SBF2: variants seen among roughly 807,000 people sequenced by gnomAD.
The protein encoded by SBF2 is myotubularin-related protein 13.
SBF2 carries 112 observed loss-of-function variants against 225.2 expected under a neutral mutation model. The ratio of observed to expected loss-of-function variants is 0.50; its 90% confidence interval spans 0.43 to 0.58. SBF2 has a LOEUF of 0.58. SBF2 is among the 20% of genes least tolerant of loss of function. The pLI is 0.00. For synonymous variants in SBF2, 763 were observed against 773.3 expected (o/e 0.99, Z 0.22); for missense variants, 1,996 against 2,206.2 (o/e 0.90, Z 1.91).
At chr11:10,067,539 AAAAAACAAAAAC>A (rs763911240) in intron 2 of SBF2, among the ~76,000 whole-genome samples, 15 of 152,164 alleles carry the variant, frequency 9.9e-5, no homozygotes, top group Non-Finnish European at 1.6e-4. Context: ...ACATTAACCA[AAAAAACAAAAAC>A]AAAAACAAAA....
chr11:10,043,895 A>G (rs1949754004), intron 2 of SBF2, among the ~76,000 whole-genome samples: 1 of 152,208 alleles, frequency 6.6e-6, no homozygotes, highest in Non-Finnish European at 1.5e-5. Flanking sequence ...TTTAAATAAC[A>G]TGAGTCAAAG....
chr11:10,251,078 G>A, intron 1 of SBF2, among the ~76,000 whole-genome samples: 1 of 152,076 alleles, frequency 6.6e-6, no homozygotes, highest in Non-Finnish European at 1.5e-5. Context: ...GCACTTATAG[G>A]GTATACTTTT....
chr11:10,275,339 G>A (rs1304292316), intron 1 of SBF2, among the ~76,000 whole-genome samples: 1 of 143,330 alleles, frequency 7.0e-6, no homozygotes, highest in East Asian at 1.9e-4. Context: ...GGCTTTAAAA[G>A]TCTTTAGTGG....
At chr11:9,989,411 C>T (rs1213180320) in intron 13 of SBF2, 86 bp downstream of exon 13, 1 of 830,090 alleles carries the variant, frequency 1.2e-6, no homozygotes, top group Non-Finnish European at 1.9e-6. Flanking sequence ...CTCACGTAAC[C>T]ACGTAACACC....
chr11:10,173,439 T>C (rs991975224), intron 2 of SBF2, among the ~76,000 whole-genome samples: 1 of 152,250 alleles, frequency 6.6e-6, no homozygotes, highest in Non-Finnish European at 1.5e-5. Context: ...ACCCGAATAC[T>C]GCGCTTTTCC....
intron 1 of SBF2, among the ~76,000 whole-genome samples, chr11:10,229,767 T>C (rs544013952): frequency 3.3e-5 from 5 of 152,290 alleles, no homozygotes; most frequent in African/African-American, 9.6e-5. Context: ...TGTGGTGTGG[T>C]GCTGAAAAAA....
At chr11:10,009,141 C>A (rs1948331343) in intron 6 of SBF2, among the ~76,000 whole-genome samples, 1 of 152,214 alleles carries the variant, frequency 6.6e-6, no homozygotes, top group Non-Finnish European at 1.5e-5. Flanking sequence ...AAACCACACA[C>A]AAGGGTGAAC....
intron 17 of SBF2, among the ~76,000 whole-genome samples, chr11:9,871,160 C>T (rs2134049098): frequency 6.6e-6 from 1 of 152,084 alleles, no homozygotes; most frequent in Middle Eastern, 3.4e-3. Context: ...TCTAATTAAA[C>T]TAAAGAGCTT....
chr11:10,105,181 G>C (rs1590965669), intron 2 of SBF2, among the ~76,000 whole-genome samples: 1 of 150,604 alleles, frequency 6.6e-6, no homozygotes, highest in Non-Finnish European at 1.5e-5. Flanking sequence ...AGCGCTGTAA[G>C]GGTTCAAAAG....
At chr11:10,067,673 T>C (rs572966487) in intron 2 of SBF2, among the ~76,000 whole-genome samples, 145 of 152,092 alleles carry the variant, frequency 9.5e-4, no homozygotes, top group African/African-American at 3.0e-3. Context: ...GGCAGAAGGA[T>C]TGCTTGAGTC....
intron 1 of SBF2, among the ~76,000 whole-genome samples, chr11:10,225,129 C>T (rs914715276): frequency 2.0e-5 from 3 of 152,026 alleles, no homozygotes; most frequent in Admixed American, 6.6e-5. Flanking sequence ...ACATTCCCTT[C>T]GTTGTCCCTG....
At chr11:10,095,092 A>T (rs1951962316) in intron 2 of SBF2, among the ~76,000 whole-genome samples, 1 of 148,492 alleles carries the variant, frequency 6.7e-6, no homozygotes. Context: ...GCCGAGCTAA[A>T]TTTTTTTTTT....
At chr11:10,138,525 A>G (rs1379130489) in intron 2 of SBF2, among the ~76,000 whole-genome samples, 1 of 136,180 alleles carries the variant, frequency 7.3e-6, no homozygotes. Context: ...TTCTTTTCCT[A>G]TTTTTTTTTT....
chr11:9,981,954 C>A (rs568567432), intron 13 of SBF2, among the ~76,000 whole-genome samples: 1 of 152,324 alleles, frequency 6.6e-6, no homozygotes, highest in Non-Finnish European at 1.5e-5. Flanking sequence ...GGACTCAAAA[C>A]TTCACAGCAG....
intron 1 of SBF2, among the ~76,000 whole-genome samples, chr11:10,235,191 A>G (rs959389798): frequency 2.6e-5 from 4 of 152,242 alleles, no homozygotes; most frequent in African/African-American, 9.6e-5. Flanking sequence ...TTTCAAGTAT[A>G]CATCTAATTA....
At position 10,303,742 on chromosome 11, in the gene SBF2, A is replaced by G. The variant is rs1964621426; in HGVS notation, n.386+750T>C. 10 of 152,250 alleles carry G rather than the reference A, an allele frequency of 6.6e-5. No individual in the cohort carries two copies. The highest frequency in any genetic ancestry group is 6.5e-4 in the Admixed American group (10 of 15,282). The allele number at this position is 152,250 out of a possible 1,614,324, so 9.4% of individuals were successfully genotyped here. Reference sequence around the variant, plus strand: ...GCTGGGCTTCAGGACATTCGATTAGAGGAGTGGTTAGTAGGACCCCAGAAA... The same window carrying G: ...GCTGGGCTTCAGGACATTCGATTAGGGGAGTGGTTAGTAGGACCCCAGAAA... On this transcript the variant is annotated intron_variant and non_coding_transcript_variant, in intron 1 of 5. Transcript: ENST00000685217. This position sits in a 1 kb window ranked among gnomAD's most constrained non-coding sequence, Gnocchi z 5.2.
intron 11 of SBF2, 60 bp from the exon 12 acceptor site, chr11:9,992,603 A>T (rs1947487121): frequency 1.3e-6 from 2 of 1,511,540 alleles, no homozygotes; most frequent in South Asian, 2.4e-5. Context: ...AAATGGTCAA[A>T]ACAGAAATAC....
intron 6 of SBF2, among the ~76,000 whole-genome samples, chr11:10,010,086 T>C (rs1011746312): frequency 6.6e-6 from 1 of 152,226 alleles, no homozygotes; most frequent in African/African-American, 2.4e-5. Flanking sequence ...CACCCACTTT[T>C]TGATGAGGTT....
At chr11:10,226,096 A>G (rs1023691326) in intron 1 of SBF2, among the ~76,000 whole-genome samples, 3 of 152,160 alleles carry the variant, frequency 2.0e-5, no homozygotes, top group Admixed American at 6.5e-5. Context: ...AACACTGGCA[A>G]TTTTTAAAAT....
Sources: gnomAD v4.1 joint callset for allele counts (sites outside exome capture counted in the v4.1 genomes callset) on GRCh38, gnomAD v4.1.1 for gene constraint, Gnocchi (gnomAD v3.1) non-coding constraint, MANE v1.5 for transcripts, NCBI Gene and HGNC (gene_info 2026-07-23, HGNC 2026-07-21) for gene names.